Variants in EFHD2 observed in about 807,000 individuals in gnomAD.
The protein encoded by EFHD2 is EF-hand domain-containing protein D2.
EFHD2 carries 12 observed loss-of-function variants against 20.3 expected under a neutral mutation model. The ratio of observed to expected loss-of-function variants is 0.59; its 90% CI spans 0.38 to 0.96. The LOEUF (loss-of-function observed/expected upper bound fraction) is 0.96. EFHD2 is among the 40% of genes least tolerant of loss of function. The probability of loss-of-function intolerance (pLI) is 0.00; values close to 1 mark genes in which losing one functional copy is unlikely to be tolerated. For synonymous variants in EFHD2, 131 were observed against 143.9 expected, an observed-to-expected ratio of 0.91 and a Z score of 0.64; for missense variants, 250 against 334.3, an observed-to-expected ratio of 0.75 and a Z score of 1.97.
chr1:15,418,436 G>C (rs71631728), intron 1 of EFHD2, among the ~76,000 whole-genome samples: 1 of 151,064 alleles, frequency 6.6e-6, no homozygotes, highest in African/African-American at 2.4e-5. Flanking sequence ...CTCCCGAGTA[G>C]CTGGGACTAC....
rs967492701 is a variant in EFHD2, at chr1:15,428,997, GC to G, written c.*278del. 24 of 430,796 alleles carry G rather than the reference GC, an allele frequency of 5.6e-5. No individual in the cohort carries two copies. Among genetic ancestry groups the G allele is most frequent in the East Asian group, 4.0e-4 (8 of 20,038 alleles). The allele number at this position is 430,796 out of a possible 1,614,324, so 26.7% of individuals were successfully genotyped here. On this transcript the variant is annotated 3_prime_UTR_variant, in exon 4 of 4. Coordinates refer to ENST00000375980, the MANE Select transcript of EFHD2 (RefSeq NM_024329.6). ...CCTGGGCTCTCTTGCACCCCTAACTGCCCCCTGCCTGCTCCGGCACTGCCCC... is the reference window on the plus strand; with the variant it reads ...CCTGGGCTCTCTTGCACCCCTAACTGCCCCTGCCTGCTCCGGCACTGCCCC...
rs2103283163 is a variant in EFHD2, at chr1:15,430,193, T to C, written c.*1469T>C. On this transcript the variant is annotated 3_prime_UTR_variant, in exon 4 of 4. Coordinates refer to ENST00000375980, the MANE Select transcript of EFHD2 (RefSeq NM_024329.6). ...TATGTTTATACAGATGAATATAAAA[T>C]GTTTTTTTCTTTGGGCTTTTTGCTT... The C allele has an allele frequency of 6.6e-6, 1 of 152,596 alleles. No homozygotes were observed. Among genetic ancestry groups the C allele is most frequent in the East Asian group, 1.9e-4 (1 of 5,184 alleles). 9.5% of individuals were successfully genotyped at this position (152,596 alleles called of 1,614,324 possible).
chr1:15,422,830 C>T (rs1707816908), intron 1 of EFHD2, among the ~76,000 whole-genome samples: 1 of 152,112 alleles, frequency 6.6e-6, no homozygotes, highest in African/African-American at 2.4e-5. Flanking sequence ...CACTGCACTC[C>T]AGCCTGGGCG....
chr1:15,427,207 T>A lies in EFHD2; in HGVS notation c.514T>A (p.Cys172Ser). ...AGELQEDSGL[C>S]VLARLSEIDV... Reference sequence around the variant, plus strand: ...GGAGCTTCAGGAGGACAGCGGGCTGTGCGTGCTGGCCCGCCTCTCTGAGAT... The same window carrying A: ...GGAGCTTCAGGAGGACAGCGGGCTGAGCGTGCTGGCCCGCCTCTCTGAGAT... The change falls in exon 3 of 4, where the codon TGC (cysteine) becomes AGC (serine). Residue 172 changes from cysteine to serine, a missense_variant. Physicochemically the swap from Cys to Ser is moderately radical, Grantham distance 112. Coordinates refer to ENST00000375980, the MANE Select transcript of EFHD2 (RefSeq NM_024329.6). 1 of 1,604,074 alleles carries A rather than the reference T, an allele frequency of 6.2e-7. No homozygotes were observed. The highest frequency in any genetic ancestry group is 1.1e-5 in the South Asian group (1 of 89,214).
rs760310385 is a variant in EFHD2, at chr1:15,429,059, C to T, written c.*335C>T. On this transcript the variant is annotated 3_prime_UTR_variant, in exon 4 of 4. Transcript: ENST00000375980. ...CCTGGCCCTAGGTCCCTCCCAGCCC[C>T]ATGTGCCTGCCGCCTGCCCTCCACA... 4 of 308,112 alleles carry T rather than the reference C, an allele frequency of 1.3e-5. No homozygotes were observed. The highest frequency in any genetic ancestry group is 2.2e-5 in the African/African-American group (1 of 45,818). The allele number at this position is 308,112 out of a possible 1,614,324, so 19.1% of individuals were successfully genotyped here. A position where few individuals can be genotyped will look rare whatever the true frequency, so the allele number is the denominator to read the frequency against.
At chr1:15,412,409 T>C (rs555887672) in intron 1 of EFHD2, among the ~76,000 whole-genome samples, 78 of 152,300 alleles carry the variant, frequency 5.1e-4, no homozygotes, top group African/African-American at 1.8e-3. Flanking sequence ...GGGTGTTAAA[T>C]AACTCGCCAA....
chr1:15,419,568 C>T (rs985117606), intron 1 of EFHD2, among the ~76,000 whole-genome samples: 4 of 152,230 alleles, frequency 2.6e-5, no homozygotes, highest in African/African-American at 4.8e-5. Context: ...CTGTTGGAAT[C>T]CTGCAGTCTG....
At chr1:15,418,581 A>G (rs1205231393) in intron 1 of EFHD2, among the ~76,000 whole-genome samples, 1 of 152,106 alleles carries the variant, frequency 6.6e-6, no homozygotes, top group Non-Finnish European at 1.5e-5. Flanking sequence ...CTGGGATTAC[A>G]GGCGGGAGCC....
chr1:15,409,995 C>G lies in EFHD2; in HGVS notation c.24C>G (p.Thr8=). 8.0e-7 allele frequency: 1 copy of G among 1,253,326 alleles called. No homozygotes were observed. Among genetic ancestry groups the G allele is most frequent in the Non-Finnish European group, 1.0e-6 (1 of 1,003,030 alleles). 77.6% of individuals were successfully genotyped at this position (1,253,326 alleles called of 1,614,324 possible). MATDELA[T]KLSRRLQMEG... The stretch of plus-strand genomic sequence containing the variant: ...CCATGGCCACGGACGAGCTGGCCAC[C>G]AAGCTGAGCCGGCGGCTGCAGATGG... The change falls in exon 1 of 4, where the codon ACC becomes ACG. Residue 8 remains threonine (T), a synonymous_variant. Transcript: ENST00000375980.
At chr1:15,410,554 G>A (rs1193545684) in intron 1 of EFHD2, among the ~76,000 whole-genome samples, 1 of 152,152 alleles carries the variant, frequency 6.6e-6, no homozygotes, top group Non-Finnish European at 1.5e-5. Context: ...CGTCCACAGA[G>A]TGGGGGACCC....
In EFHD2 at chr1:15,425,865, C is replaced by A; in HGVS notation, c.309-6C>A. ...GCCAAGATGTCCTCTCTTTTTGCAT[C>A]TGCAGGTATGATGCCGGGCGGGACG... On this transcript the variant is annotated splice_region_variant and splice_polypyrimidine_tract_variant and intron_variant, in intron 1 of 3. Coordinates refer to ENST00000375980, the MANE Select transcript of EFHD2 (RefSeq NM_024329.6). 6.2e-7 allele frequency: 1 copy of A among 1,603,616 alleles called. No individual in the cohort carries two copies. Among genetic ancestry groups the A allele is most frequent in the East Asian group, 2.3e-5 (1 of 44,030 alleles).
chr1:15,418,032 C>A (rs1475120774), intron 1 of EFHD2, among the ~76,000 whole-genome samples: 1 of 142,004 alleles, frequency 7.0e-6, no homozygotes, highest in African/African-American at 2.7e-5. Context: ...CTCTGTCACC[C>A]AGGCTGGAGT....
In EFHD2 at chr1:15,410,274, C is replaced by A; in HGVS notation, c.303C>A (p.Phe101Leu). 1 of 1,595,948 alleles carries A rather than the reference C, an allele frequency of 6.3e-7. No individual in the cohort carries two copies. Among genetic ancestry groups the A allele is most frequent in the Non-Finnish European group, 8.5e-7 (1 of 1,172,756 alleles). Residue 101 changes from phenylalanine (F) to leucine (L), a missense_variant, in exon 1 of 4, where the codon TTC becomes TTA. By Grantham distance (22) the Phe-to-Leu change is conservative (BLOSUM62 0). This residue lies in a region of EFHD2 where 143 missense variants were observed against 190.6 expected (regional missense o/e 0.75). Transcript: ENST00000375980. ...AGATCAAGGACATGGAGAAGATGTT[C>A]AAGCAGTAAGTGCCCGCGCGACCCG... ...RKQIKDMEKM[F>L]KQYDAGRDGF...
intron 1 of EFHD2, among the ~76,000 whole-genome samples, chr1:15,423,639 T>A (rs1707828463): frequency 6.6e-6 from 1 of 152,188 alleles, no homozygotes; most frequent in Non-Finnish European, 1.5e-5. Flanking sequence ...TTAAGTAAAG[T>A]AAGCAGTTCC....
intron 3 of EFHD2, among the ~76,000 whole-genome samples, chr1:15,428,244 G>T (rs1304027080): frequency 6.6e-6 from 1 of 152,166 alleles, no homozygotes; most frequent in African/African-American, 2.4e-5. Flanking sequence ...TGTCATCCCA[G>T]CACTTTGGGA....
chr1:15,428,917 C>G lies in EFHD2; in HGVS notation c.*193C>G. The G allele has an allele frequency of 1.2e-6, 1 of 808,038 alleles. No individual in the cohort carries two copies. The highest frequency in any genetic ancestry group is 1.8e-5 in the South Asian group (1 of 55,154). 50.1% of individuals were successfully genotyped at this position (808,038 alleles called of 1,614,324 possible). On this transcript the variant is annotated 3_prime_UTR_variant, in exon 4 of 4. Transcript: ENST00000375980. ...CCTCCCCGCTCCCTTCCACTCTGCA[C>G]GAGGCCGCCACACCGGCGCTGGCTC...
At position 15,425,896 on chromosome 1, in the gene EFHD2, A is replaced by G. The variant is rs1241883169; in HGVS notation, c.334A>G (p.Ile112Val). Residue 112 changes from isoleucine (I) to valine (V), a missense_variant, in exon 2 of 4, where the codon ATC becomes GTC. Transcript: ENST00000375980. ...KQYDAGRDGF[I>V]DLMELKLMME... ...GTATGATGCCGGGCGGGACGGCTTC[A>G]TCGACCTGATGGAGCTAAAACTCAT... 6.2e-7 allele frequency: 1 copy of G among 1,607,008 alleles called. No individual in the cohort carries two copies.
intron 1 of EFHD2, among the ~76,000 whole-genome samples, chr1:15,412,972 GTGCTGCC>G (rs1239825517): frequency 2.0e-5 from 3 of 152,168 alleles, no homozygotes; most frequent in South Asian, 2.1e-4. Context: ...AGGGAAGCAA[GTGCTGCC>G]TGCCAGGGCC....
At chr1:15,410,486 C>CG (rs1005644837) in intron 1 of EFHD2, among the ~76,000 whole-genome samples, 6 of 152,130 alleles carry the variant, frequency 3.9e-5, no homozygotes, top group African/African-American at 1.4e-4. Flanking sequence ...GGGGGACCCC[C>CG]GGCCCCTGGC....
Sources: gnomAD v4.1 joint callset for allele counts (sites outside exome capture counted in the v4.1 genomes callset) on GRCh38, gnomAD v4.1.1 for gene constraint, gnomAD v4.1.1 regional missense constraint, MANE v1.5 for transcripts, NCBI Gene and HGNC (gene_info 2026-07-23, HGNC 2026-07-21) for gene names.